The following ABCC9 variants were observed in gnomAD, a reference collection of about 807,000 sequenced individuals.
ABCC9 encodes ATP-binding cassette sub-family C member 9.
In ABCC9, 95 loss-of-function variants were observed where a neutral mutation model predicts 188.3. That is an observed-to-expected ratio of 0.50 (90% confidence interval 0.43 to 0.60). ABCC9 has a LOEUF of 0.60. Ranked by LOEUF, ABCC9 falls within the 20% of genes least tolerant of loss-of-function variation. ABCC9 has a pLI of 0.00. For missense variants in ABCC9, 1,102 were observed against 1,876.3 expected, an observed-to-expected ratio of 0.59 and a Z score of 7.62; for synonymous variants, 659 against 652.7, an observed-to-expected ratio of 1.01 and a Z score of -0.15.
intron 6 of ABCC9, 98 bp downstream of exon 6, chr12:21,916,839 G>A: frequency 9.3e-7 from 1 of 1,080,348 alleles, no homozygotes; most frequent in East Asian, 2.4e-5. Flanking sequence ...AAATACATGT[G>A]TTCATCCTTG....
chr12:21,855,761 C>T (rs552500599), intron 22 of ABCC9, among the ~76,000 whole-genome samples: 2 of 152,104 alleles, frequency 1.3e-5, no homozygotes, highest in South Asian at 4.1e-4. Flanking sequence ...AAAAGTGTTG[C>T]TTTATTATTA....
Position 21,797,462 on chromosome 12 carries a change from C to G in ABCC9, c.*3582G>C, listed in dbSNP as rs937185068. 5 of 152,092 alleles carry G rather than the reference C, an allele frequency of 3.3e-5. No individual in the cohort carries two copies. The highest frequency in any genetic ancestry group is 5.9e-5 in the Non-Finnish European group (4 of 68,024). The allele number at this position is 152,092 out of a possible 1,614,324, so 9.4% of individuals were successfully genotyped here. The stretch of plus-strand genomic sequence containing the variant: ...GTTTTTATATATTGTAGAGAATAAA[C>G]ACATTTATTGTAGAGAACAAATACA... On this transcript the variant is annotated 3_prime_UTR_variant, in exon 40 of 40. Coordinates refer to ENST00000261200, the MANE Select transcript of ABCC9 (RefSeq NM_020297.4).
chr12:21,845,766 G>T lies in ABCC9; in HGVS notation c.2933C>A (p.Pro978Gln). Residue 978 changes from proline (P) to glutamine (Q), a missense_variant, in exon 26 of 40, where the codon CCA (proline) becomes CAA (glutamine). Transcript: ENST00000261200. Reference sequence around the variant, plus strand: ...CAGGTAGCGCCAGCAGGTTTTCCATGGCATTTTAGTCCTGAGCCTCATTAC... The same window carrying T: ...CAGGTAGCGCCAGCAGGTTTTCCATTGCATTTTAGTCCTGAGCCTCATTAC... Reference protein sequence around the residue: ...STVMRLRTKMPWKTCWRYLTS... With the variant: ...STVMRLRTKMQWKTCWRYLTS... 6.2e-7 allele frequency: 1 copy of T among 1,613,822 alleles called. No homozygotes were observed. The highest frequency in any genetic ancestry group is 8.5e-7 in the Non-Finnish European group (1 of 1,179,848).
At chr12:21,834,786 T>TGCAC (rs144470554) in intron 30 of ABCC9, among the ~76,000 whole-genome samples, 1 of 141,508 alleles carries the variant, frequency 7.1e-6, no homozygotes, top group Non-Finnish European at 1.5e-5. Flanking sequence ...TATAACATTA[T>TGCAC]ACACACACAC....
intron 10 of ABCC9, among the ~76,000 whole-genome samples, 185 bp downstream of exon 10, chr12:21,909,972 A>G (rs1421718185): frequency 6.6e-6 from 1 of 151,924 alleles, no homozygotes; most frequent in African/African-American, 2.4e-5. Context: ...CAAGCAGTAT[A>G]ATTTCAAACT....
chr12:21,887,794 C>T (rs1314847217), intron 15 of ABCC9, 32 bp downstream of exon 15: 2 of 1,393,600 alleles, frequency 1.4e-6, no homozygotes, highest in Admixed American at 1.7e-5. Context: ...GTCCTCTATT[C>T]ACAACTTCCA....
intron 28 of ABCC9, among the ~76,000 whole-genome samples, chr12:21,842,956 T>C (rs1469032530): frequency 6.6e-6 from 1 of 152,188 alleles, no homozygotes. Context: ...GCTCTGTATA[T>C]ATTATGTTTA....
At chr12:21,893,055 G>A (rs1947243561) in intron 14 of ABCC9, among the ~76,000 whole-genome samples, 1 of 152,102 alleles carries the variant, frequency 6.6e-6, no homozygotes, top group Admixed American at 6.6e-5. Flanking sequence ...TTTATAAAGA[G>A]CATATATCTA....
intron 5 of ABCC9, chr12:21,923,850 C>T (rs754897979): frequency 1.4e-6 from 1 of 699,374 alleles, no homozygotes. Flanking sequence ...CTCATGATGG[C>T]TAAAACCTGG....
At chr12:21,819,242 T>C (rs994863267) in intron 31 of ABCC9, among the ~76,000 whole-genome samples, 3 of 152,150 alleles carry the variant, frequency 2.0e-5, no homozygotes, top group Admixed American at 1.3e-4. Context: ...ATTTCAGATA[T>C]GCTCACTTTC....
At position 21,834,800 on chromosome 12, in the gene ABCC9, C is replaced by T. The variant is rs923655415; in HGVS notation, c.3566+3278G>A. ...ATATAACATTATACACACACACACACACACACACACACACACACACACACA... is the reference window on the plus strand; with the variant it reads ...ATATAACATTATACACACACACACATACACACACACACACACACACACACA... On this transcript the variant is annotated intron_variant, in intron 30 of 39. Coordinates refer to ENST00000261200, the MANE Select transcript of ABCC9 (RefSeq NM_020297.4). 1.5e-4 allele frequency among the ~76,000 whole-genome samples: 22 copies of T among 148,716 alleles called. 1 individual carries two copies. The highest frequency in any genetic ancestry group is 1.2e-3 in the East Asian group (6 of 5,160).
Position 21,912,965 on chromosome 12 carries a change from C to T in ABCC9, c.918G>A (p.Leu306=), listed in dbSNP as rs142115849. The change falls in exon 8 of 40, where the codon CTG becomes CTA. Residue 306 remains leucine (L), a synonymous_variant. Transcript: ENST00000261200. ...PILLSSTFRY[L]ADLLGFAGPL... ...GTCCAGCAAAACCCAGTAAATCAGC[C>T]AGATAGCGGAATGTGCTACTAAGTA... The T allele has an allele frequency of 6.8e-6, 11 of 1,613,170 alleles. No individual in the cohort carries two copies. The African/African-American group carries it at 1.5e-4, about 22-fold the overall frequency.
intron 26 of ABCC9, 80 bp from the exon 27 acceptor site, chr12:21,844,995 C>T (rs943755269): frequency 2.1e-5 from 32 of 1,515,150 alleles, no homozygotes; most frequent in Non-Finnish European, 2.8e-5. Context: ...ATGTCAATGT[C>T]AGACAAGATT....
At chr12:21,823,162 G>C (rs1943157831) in intron 31 of ABCC9, among the ~76,000 whole-genome samples, 1 of 152,132 alleles carries the variant, frequency 6.6e-6, no homozygotes, top group African/African-American at 2.4e-5. Context: ...ATTCAAAAGA[G>C]GGCTTTTATC....
At chr12:21,888,921 TA>T (rs5796930) in intron 14 of ABCC9, among the ~76,000 whole-genome samples, 151,809 of 152,288 alleles carry the variant, frequency 1, 75,667 homozygotes, top group Middle Eastern at 1. Context: ...TGGGAAAACT[TA>T]ACTTGGCACA....
intron 18 of ABCC9, among the ~76,000 whole-genome samples, chr12:21,867,650 A>G (rs747815148): frequency 6.6e-6 from 1 of 152,120 alleles, no homozygotes; most frequent in South Asian, 2.1e-4. Context: ...ACTTAATATT[A>G]TTATTCCTTC....
chr12:21,898,567 G>T (rs1282699406), intron 12 of ABCC9, among the ~76,000 whole-genome samples: 1 of 152,102 alleles, frequency 6.6e-6, no homozygotes, highest in Non-Finnish European at 1.5e-5. Context: ...TTTCAAAAAA[G>T]AAATGTTTAT....
chr12:21,921,073 T>C (rs576342352), intron 5 of ABCC9, among the ~76,000 whole-genome samples: 1 of 152,212 alleles, frequency 6.6e-6, no homozygotes, highest in South Asian at 2.1e-4. Context: ...TTCCTTTCTT[T>C]TGGGTATAGA....
chr12:21,860,313 G>T (rs1945440830), intron 21 of ABCC9, among the ~76,000 whole-genome samples: 2 of 152,180 alleles, frequency 1.3e-5, no homozygotes, highest in African/African-American at 4.8e-5. Context: ...AGGCCACAGA[G>T]CCAGACTAAT....
Sources: allele counts gnomAD v4.1 joint callset (sites outside exome capture counted in the v4.1 genomes callset), GRCh38; gene constraint gnomAD v4.1.1; transcripts MANE v1.5; gene names NCBI Gene and HGNC (gene_info 2026-07-23, HGNC 2026-07-21).